The following GAS7 variants were observed in gnomAD, a reference collection of about 807,000 sequenced individuals.
GAS7 encodes the protein growth arrest specific 7.
A neutral mutation model predicts 71.1 loss-of-function variants in GAS7; 28 were observed. The observed-to-expected ratio is 0.39, with a 90% confidence interval of 0.29 to 0.54. The LOEUF (loss-of-function observed/expected upper bound fraction) is 0.54, where lower values mean the gene tolerates loss of function less well. Ranked by LOEUF, GAS7 falls within the 20% of genes least tolerant of loss-of-function variation. GAS7 has a pLI of 0.62. For synonymous variants in GAS7, 258 were observed against 245.8 expected, an observed-to-expected ratio of 1.05 and a Z score of -0.46; for missense variants, 436 against 627.8, an observed-to-expected ratio of 0.69 and a Z score of 3.27.
intron 1 of GAS7, among the ~76,000 whole-genome samples, chr17:10,102,857 A>T (rs1338885689): frequency 2.6e-5 from 4 of 152,000 alleles, no homozygotes; most frequent in Admixed American, 2.6e-4. Flanking sequence ...ACAGGCACTC[A>T]ACTCTTGCTT....
intron 5 of GAS7, among the ~76,000 whole-genome samples, chr17:9,948,682 C>CA (rs774017409): frequency 0.013 from 1,779 of 135,016 alleles, 19 homozygotes; most frequent in African/African-American, 0.037. Context: ...GACTCCCCCT[C>CA]AAAAAAAAAA....
chr17:10,078,185 A>G (rs2073417857), intron 1 of GAS7, among the ~76,000 whole-genome samples: 1 of 151,984 alleles, frequency 6.6e-6, no homozygotes. Context: ...TCGATCTCCC[A>G]GGCTTGAGCA....
At chr17:10,038,634 A>C (rs952578851) in intron 1 of GAS7, among the ~76,000 whole-genome samples, 1 of 152,216 alleles carries the variant, frequency 6.6e-6, no homozygotes, top group Admixed American at 6.5e-5. Flanking sequence ...GAAGGTGGAA[A>C]CAATGCAAGT....
chr17:9,923,949 T>C (rs1038395921), intron 11 of GAS7, among the ~76,000 whole-genome samples: 1 of 152,158 alleles, frequency 6.6e-6, no homozygotes, highest in Non-Finnish European at 1.5e-5. Context: ...ATTAAAAAGT[T>C]TGATATGCAT....
intron 2 of GAS7, among the ~76,000 whole-genome samples, chr17:9,986,707 C>T (rs1239439089): frequency 1.3e-5 from 2 of 152,216 alleles, no homozygotes; most frequent in African/African-American, 4.8e-5. Context: ...TCCCAGACCC[C>T]CCACAAGCTA....
chr17:10,188,663 G>A (rs761944658), intron 1 of GAS7, among the ~76,000 whole-genome samples: 1 of 152,178 alleles, frequency 6.6e-6, no homozygotes, highest in Non-Finnish European at 1.5e-5. Flanking sequence ...TTAAGAGACA[G>A]AGTCTCACGC....
At chr17:9,927,347 A>C (rs57941222) in intron 9 of GAS7, among the ~76,000 whole-genome samples, 4,691 of 145,864 alleles carry the variant, frequency 0.032, 207 homozygotes, top group Admixed American at 0.083. Flanking sequence ...ATTAGCTGGG[A>C]GTGGTGGCAG....
rs1430077100 is a variant in GAS7, at chr17:9,915,958, G to A, written c.*1270C>T. The A allele has an allele frequency of 8.6e-6, 2 of 232,862 alleles. No homozygotes were observed. Among genetic ancestry groups the A allele is most frequent in the African/African-American group, 4.4e-5 (2 of 45,344 alleles). The allele number at this position is 232,862 out of a possible 1,614,324, so 14.4% of individuals were successfully genotyped here. ...CTCAGACCAGACTTTTCCAGGGATT[G>A]GAAGATGGAGAGAGGGAAAGGAGGT... On this transcript the variant is annotated 3_prime_UTR_variant, in exon 14 of 14. Transcript: ENST00000432992.
At chr17:10,128,739 C>A (rs1484779233) in intron 1 of GAS7, among the ~76,000 whole-genome samples, 2 of 151,928 alleles carry the variant, frequency 1.3e-5, no homozygotes, top group African/African-American at 4.8e-5. Flanking sequence ...CCTGCCTCAG[C>A]CTCCCGAGTA....
At chr17:10,133,685 AC>A (rs2074016752) in intron 1 of GAS7, among the ~76,000 whole-genome samples, 1 of 151,664 alleles carries the variant, frequency 6.6e-6, no homozygotes. Context: ...CATATTCCCC[AC>A]CCGCAACCCA....
intron 2 of GAS7, among the ~76,000 whole-genome samples, chr17:10,007,774 A>G (rs776051400): frequency 5.9e-5 from 9 of 152,082 alleles, no homozygotes; most frequent in Admixed American, 2.6e-4. Context: ...CTAAAAGCAT[A>G]TAATATAATG....
intron 1 of GAS7, among the ~76,000 whole-genome samples, chr17:10,024,997 A>G (rs1298769340): frequency 6.6e-6 from 1 of 152,222 alleles, no homozygotes; most frequent in Non-Finnish European, 1.5e-5. Flanking sequence ...CGTCACAACA[A>G]GCCTGCCTCA....
At chr17:10,073,630 G>A (rs1191959905) in intron 1 of GAS7, among the ~76,000 whole-genome samples, 9 of 152,252 alleles carry the variant, frequency 5.9e-5, no homozygotes, top group South Asian at 2.1e-4. Flanking sequence ...CAGGTGAATC[G>A]TGCGCACATT....
At chr17:10,190,786 T>C (rs1302606625) in intron 1 of GAS7, among the ~76,000 whole-genome samples, 1 of 151,740 alleles carries the variant, frequency 6.6e-6, no homozygotes, top group African/African-American at 2.4e-5. Context: ...AAAAATTATA[T>C]TGGGCCTCAC....
intron 2 of GAS7, among the ~76,000 whole-genome samples, chr17:10,019,362 A>C (rs1032334500): frequency 6.6e-6 from 1 of 152,310 alleles, no homozygotes; most frequent in South Asian, 2.1e-4. Flanking sequence ...TTGAAGCTTC[A>C]AGATCATTAA....
At chr17:10,039,453 A>G (rs780794993) in intron 1 of GAS7, among the ~76,000 whole-genome samples, 4 of 152,068 alleles carry the variant, frequency 2.6e-5, no homozygotes, top group African/African-American at 4.8e-5. Context: ...AGGCTGAGGT[A>G]GGTGGATCAT....
In GAS7 at chr17:9,974,303, A is replaced by G. The variant is rs16959151; in HGVS notation, c.386-4541T>C. Among the ~76,000 whole-genome samples the G allele has an allele frequency of 0.017, 2,585 of 152,106 alleles. 142 individuals are homozygous for G. The highest frequency in any genetic ancestry group is 0.11 in the Admixed American group (1,642 of 15,270). ...AATACGTCTCAGTGGAGATCTAGAC[A>G]GTTATAGCCCACAAGATCCTGGCAA... On this transcript the variant is annotated intron_variant, in intron 3 of 13. Transcript: ENST00000432992. The surrounding 1 kb of genome is among the most constrained non-coding windows in gnomAD (Gnocchi z 4.0).
chr17:9,931,110 C>T (rs143813625), intron 9 of GAS7, among the ~76,000 whole-genome samples: 2 of 152,338 alleles, frequency 1.3e-5, no homozygotes, highest in East Asian at 3.9e-4. Flanking sequence ...AGCAGGGGAG[C>T]TGCTGGAAGA....
chr17:10,007,625 CAAAAAAAAAAAAAA>C (rs201254619), intron 2 of GAS7, among the ~76,000 whole-genome samples: 2 of 46,600 alleles, frequency 4.3e-5, no homozygotes, highest in East Asian at 5.5e-4. Flanking sequence ...GATTCTGTCT[CAAAAAAAAAAAAAA>C]AAAAAAAAAA....
Sources: allele counts gnomAD v4.1 joint callset (sites outside exome capture counted in the v4.1 genomes callset), GRCh38; gene constraint gnomAD v4.1.1; non-coding constraint Gnocchi (gnomAD v3.1); transcripts MANE v1.5; gene names NCBI Gene and HGNC (gene_info 2026-07-23, HGNC 2026-07-21).